The following ALCAM variants were observed in gnomAD, a reference collection of about 807,000 sequenced individuals.
ALCAM encodes the protein activated leukocyte cell adhesion molecule, also known as CD166 antigen.
In ALCAM, 30 loss-of-function variants were observed where a neutral mutation model predicts 70.9. That is an observed-to-expected ratio of 0.42 (90% CI 0.32 to 0.57). The LOEUF (loss-of-function observed/expected upper bound fraction) is 0.57, where lower values mean the gene tolerates loss of function less well. Ranked by LOEUF, ALCAM falls within the 20% of genes least tolerant of loss-of-function variation. The pLI is 0.11. For missense variants in ALCAM, 591 were observed against 695.1 expected (o/e 0.85, Z 1.68); for synonymous variants, 249 against 242.5 (o/e 1.03, Z -0.25).
intron 1 of ALCAM, among the ~76,000 whole-genome samples, chr3:105,414,019 A>G (rs1936450100): frequency 6.6e-6 from 1 of 152,132 alleles, no homozygotes; most frequent in Non-Finnish European, 1.5e-5. Context: ...TAAATTAGAT[A>G]TAGTTCTGCT....
At chr3:105,574,121 G>C (rs776445497) in intron 15 of ALCAM, among the ~76,000 whole-genome samples, 1 of 151,744 alleles carries the variant, frequency 6.6e-6, no homozygotes, top group South Asian at 2.1e-4. Context: ...CTTCAAAATC[G>C]TATAACTTCT....
intron 1 of ALCAM, among the ~76,000 whole-genome samples, chr3:105,502,468 G>T (rs1353221099): frequency 1.3e-5 from 2 of 152,178 alleles, no homozygotes; most frequent in African/African-American, 4.8e-5. Flanking sequence ...CAGAGCCGGG[G>T]CATTTGAGGA....
At chr3:105,457,304 T>C (rs1486245465) in intron 1 of ALCAM, among the ~76,000 whole-genome samples, 1 of 152,136 alleles carries the variant, frequency 6.6e-6, no homozygotes, top group Non-Finnish European at 1.5e-5. Context: ...CTGTCATTGA[T>C]GAGCATTTAA....
intron 6 of ALCAM, among the ~76,000 whole-genome samples, chr3:105,537,173 C>T (rs539176566): frequency 1.2e-4 from 19 of 152,196 alleles, no homozygotes; most frequent in Non-Finnish European, 2.6e-4. Context: ...CAATCAGTAA[C>T]GAGGTTTTAG....
At chr3:105,398,755 G>A (rs1344384577) in intron 1 of ALCAM, among the ~76,000 whole-genome samples, 1 of 151,988 alleles carries the variant, frequency 6.6e-6, no homozygotes, top group Middle Eastern at 3.2e-3. Context: ...CATTTATAAA[G>A]AAGCTGGTAA....
chr3:105,384,046 C>G (rs188560859), intron 1 of ALCAM, among the ~76,000 whole-genome samples: 1 of 151,602 alleles, frequency 6.6e-6, no homozygotes, highest in African/African-American at 2.4e-5. Flanking sequence ...TACATCTGTA[C>G]TGTGGACCAT....
intron 3 of ALCAM, chr3:105,525,395 T>A (rs62260822): frequency 0.16 from 155,297 of 965,676 alleles, 13,333 homozygotes; most frequent in South Asian, 0.17. Context: ...AAATAAAAAG[T>A]CCCGCCTCTA....
intron 1 of ALCAM, among the ~76,000 whole-genome samples, chr3:105,481,151 C>T (rs1429539715): frequency 1.3e-5 from 2 of 151,900 alleles, no homozygotes; most frequent in African/African-American, 4.8e-5. Context: ...GTATCTTTTA[C>T]CCAGAAAGTT....
chr3:105,504,575 G>T (rs1298959515), intron 1 of ALCAM, among the ~76,000 whole-genome samples: 3 of 151,768 alleles, frequency 2.0e-5, no homozygotes, highest in Admixed American at 2.0e-4. Flanking sequence ...GCAAGCCCAC[G>T]GCCTGCCGGC....
chr3:105,520,036 T>C, intron 1 of ALCAM, 31 bp from the exon 2 acceptor site: 1 of 1,441,466 alleles, frequency 6.9e-7, no homozygotes, highest in Non-Finnish European at 9.5e-7. Flanking sequence ...TCTCTCTTTC[T>C]CTCTTCTTCC....
At chr3:105,402,301 G>A (rs1386530008) in intron 1 of ALCAM, among the ~76,000 whole-genome samples, 1 of 152,174 alleles carries the variant, frequency 6.6e-6, no homozygotes, top group African/African-American at 2.4e-5. Context: ...CACTCAGACA[G>A]ACAGAGCAGT....
At chr3:105,546,025 A>G (rs1940237297) in intron 9 of ALCAM, among the ~76,000 whole-genome samples, 1 of 151,478 alleles carries the variant, frequency 6.6e-6, no homozygotes, top group Admixed American at 6.6e-5. Context: ...TCTGAAATGT[A>G]GGCCATTGGC....
chr3:105,537,599 C>G (rs1327632126), intron 6 of ALCAM, among the ~76,000 whole-genome samples: 1 of 152,092 alleles, frequency 6.6e-6, no homozygotes, highest in Non-Finnish European at 1.5e-5. Flanking sequence ...ACTTACATGC[C>G]TATGCATATG....
intron 1 of ALCAM, among the ~76,000 whole-genome samples, chr3:105,421,931 C>T (rs961720809): frequency 4.0e-5 from 6 of 150,922 alleles, no homozygotes; most frequent in African/African-American, 1.5e-4. Flanking sequence ...TTTTAGTGAA[C>T]CAGTCAGCCA....
intron 14 of ALCAM, among the ~76,000 whole-genome samples, chr3:105,556,181 G>A (rs1430017059): frequency 1.3e-5 from 2 of 151,882 alleles, no homozygotes; most frequent in Non-Finnish European, 2.9e-5. Context: ...CATAGTACAA[G>A]AACTAATGAA....
At chr3:105,438,733 G>A (rs1576163344) in intron 1 of ALCAM, among the ~76,000 whole-genome samples, 1 of 152,092 alleles carries the variant, frequency 6.6e-6, no homozygotes, top group East Asian at 1.9e-4. Context: ...TAGAGACACA[G>A]CCCAGATGTG....
chr3:105,566,466 C>A (rs1225456850), intron 14 of ALCAM, among the ~76,000 whole-genome samples: 2 of 152,116 alleles, frequency 1.3e-5, no homozygotes, highest in Non-Finnish European at 2.9e-5. Flanking sequence ...TGATAATTAT[C>A]AATTATATGT....
intron 1 of ALCAM, among the ~76,000 whole-genome samples, chr3:105,400,764 A>G (rs1195060869): frequency 6.6e-6 from 1 of 152,088 alleles, no homozygotes; most frequent in East Asian, 1.9e-4. Context: ...AGAGAAACTA[A>G]TCTATTGTTC....
Position 105,484,411 on chromosome 3 carries a change from C to T in ALCAM, c.74-35656C>T, listed in dbSNP as rs944233235. Among the ~76,000 whole-genome samples the T allele has an allele frequency of 3.3e-5, 5 of 151,498 alleles. No homozygotes were observed. In the Admixed American group the frequency reaches 3.3e-4, roughly 10 times the overall value. On this transcript the variant is annotated intron_variant, in intron 1 of 15. Transcript: ENST00000306107. The stretch of plus-strand genomic sequence containing the variant: ...CATCTAAATGGCATGCTGCCATACC[C>T]AGGATTTTAAAGAAAAAAATGTTTA...
Sources: allele counts gnomAD v4.1 joint callset (sites outside exome capture counted in the v4.1 genomes callset), GRCh38; gene constraint gnomAD v4.1.1; transcripts MANE v1.5; gene names NCBI Gene and HGNC (gene_info 2026-07-23, HGNC 2026-07-21).